The following GRM8 variants were observed in gnomAD, a reference collection of about 807,000 sequenced individuals.
GRM8 encodes metabotropic glutamate receptor 8.
GRM8 carries 47 observed loss-of-function variants against 87.2 expected under a neutral mutation model. The observed-to-expected ratio is 0.54, with a 90% CI of 0.43 to 0.69. GRM8 has a LOEUF of 0.69. GRM8 is among the 30% of genes least tolerant of loss of function. The pLI, the probability that GRM8 is intolerant of heterozygous loss-of-function variation, is 0.00. For missense variants in GRM8, 1,019 were observed against 1,139.2 expected, an observed-to-expected ratio of 0.89 and a Z score of 1.52; for synonymous variants, 396 against 404.5, an observed-to-expected ratio of 0.98 and a Z score of 0.25.
chr7:127,124,544 C>T (rs901508826), intron 2 of GRM8, among the ~76,000 whole-genome samples: 6 of 152,138 alleles, frequency 3.9e-5, no homozygotes, highest in Non-Finnish European at 8.8e-5. Context: ...CTTTCATTCT[C>T]ACAAGATGAC....
intron 7 of GRM8, among the ~76,000 whole-genome samples, chr7:126,636,634 G>C (rs1193609046): frequency 6.6e-6 from 1 of 151,670 alleles, no homozygotes; most frequent in Non-Finnish European, 1.5e-5. Flanking sequence ...TTTATCTGAA[G>C]GAAAAACAAA....
At chr7:126,960,767 A>G (rs968546609) in intron 3 of GRM8, among the ~76,000 whole-genome samples, 5 of 152,206 alleles carry the variant, frequency 3.3e-5, no homozygotes, top group African/African-American at 4.8e-5. Flanking sequence ...GAAGCAGTTA[A>G]GTTTTTAAAA....
At chr7:126,738,651 A>G (rs1814524047) in intron 7 of GRM8, among the ~76,000 whole-genome samples, 1 of 145,736 alleles carries the variant, frequency 6.9e-6, no homozygotes, top group East Asian at 2.2e-4. Context: ...TCTGTATAGA[A>G]GAGAAGGCTG....
chr7:127,221,332 A>T (rs1796916712), intron 2 of GRM8, among the ~76,000 whole-genome samples: 1 of 151,982 alleles, frequency 6.6e-6, no homozygotes, highest in Non-Finnish European at 1.5e-5. Flanking sequence ...GGGGCTGTAG[A>T]CCCCGTTGAG....
intron 8 of GRM8, among the ~76,000 whole-genome samples, chr7:126,537,998 T>G (rs1041862890): frequency 1.3e-5 from 2 of 152,208 alleles, no homozygotes; most frequent in African/African-American, 4.8e-5. Flanking sequence ...ATTAAGACGT[T>G]TTCAGTCTGA....
In GRM8 at chr7:127,246,448, C is replaced by T. The variant is rs573630154; in HGVS notation, c.-311-2933G>A. On this transcript the variant is annotated intron_variant, in intron 1 of 10. Coordinates refer to ENST00000339582, the MANE Select transcript of GRM8 (RefSeq NM_000845.3). ...ACTGTGCTGGACTGTTTCAAGGAGGCGTGAGGTCTGGACTCCTGAAACCAA... is the reference window on the plus strand; with the variant it reads ...ACTGTGCTGGACTGTTTCAAGGAGGTGTGAGGTCTGGACTCCTGAAACCAA... 5.9e-5 allele frequency among the ~76,000 whole-genome samples: 9 copies of T among 152,280 alleles called. No homozygotes were observed. The South Asian group carries it at 1.7e-3, about 28-fold the overall frequency.
At chr7:127,079,773 TTTAG>T (rs1822655937) in intron 3 of GRM8, among the ~76,000 whole-genome samples, 1 of 152,182 alleles carries the variant, frequency 6.6e-6, no homozygotes. Flanking sequence ...TGAATCTCAG[TTTAG>T]TTAGTTATAC....
At chr7:126,857,525 G>T (rs757932142) in intron 6 of GRM8, among the ~76,000 whole-genome samples, 3 of 152,032 alleles carry the variant, frequency 2.0e-5, no homozygotes, top group Non-Finnish European at 2.9e-5. Flanking sequence ...AAAAAGAAAA[G>T]AAATCCTCCC....
chr7:126,750,100 A>C (rs1026697129), intron 7 of GRM8, among the ~76,000 whole-genome samples: 2 of 152,166 alleles, frequency 1.3e-5, no homozygotes, highest in African/African-American at 4.8e-5. Context: ...ATGTCCATCA[A>C]CTAATGAATG....
At chr7:126,995,417 G>T (rs530354587) in intron 3 of GRM8, among the ~76,000 whole-genome samples, 21 of 152,320 alleles carry the variant, frequency 1.4e-4, no homozygotes, top group Non-Finnish European at 2.6e-4. Context: ...TTCAGGCAGA[G>T]AATTCAAAAT....
intron 6 of GRM8, among the ~76,000 whole-genome samples, chr7:126,847,952 A>T (rs562290736): frequency 2.2e-4 from 34 of 152,270 alleles, no homozygotes; most frequent in African/African-American, 7.9e-4. Flanking sequence ...ATCAAGAGGG[A>T]TTTCTCCTGA....
chr7:126,476,483 A>G (rs1018090996), intron 9 of GRM8, among the ~76,000 whole-genome samples: 35 of 152,148 alleles, frequency 2.3e-4, no homozygotes, highest in African/African-American at 7.2e-4. Flanking sequence ...TAGAGAAAGT[A>G]TTTGCAAACC....
chr7:126,593,925 T>C (rs1796922890), intron 8 of GRM8, among the ~76,000 whole-genome samples: 1 of 151,952 alleles, frequency 6.6e-6, no homozygotes, highest in South Asian at 2.1e-4. Flanking sequence ...CTGGTAAAAA[T>C]TGGGCAAAGG....
rs544196129 is a variant in GRM8 at position 127,043,739 on chromosome 7, A to G, written c.727+62757T>C. On this transcript the variant is annotated intron_variant, in intron 3 of 10. Transcript: ENST00000339582. ...TGTAACAAACCTGCACGTTGTGCAC[A>G]TGTACCCTAAAACTTAAAGTATAAT... Among the ~76,000 whole-genome samples the G allele has an allele frequency of 1.3e-3, 197 of 152,318 alleles. 1 individual carries two copies. Among genetic ancestry groups the G allele is most frequent in the African/African-American group, 4.6e-3 (193 of 41,576 alleles).
chr7:126,789,715 G>C (rs1821064046), intron 6 of GRM8, among the ~76,000 whole-genome samples: 1 of 152,154 alleles, frequency 6.6e-6, no homozygotes, highest in African/African-American at 2.4e-5. Flanking sequence ...TCTGATAATG[G>C]TGACTTGGTA....
chr7:126,961,488 T>G (rs1809314548), intron 3 of GRM8, among the ~76,000 whole-genome samples: 1 of 152,168 alleles, frequency 6.6e-6, no homozygotes, highest in Non-Finnish European at 1.5e-5. Context: ...CTACAGATAC[T>G]CATGGGGCCT....
At chr7:126,947,059 G>A (rs1312699842) in intron 3 of GRM8, among the ~76,000 whole-genome samples, 1 of 152,186 alleles carries the variant, frequency 6.6e-6, no homozygotes, top group Non-Finnish European at 1.5e-5. Flanking sequence ...TGAGGCTTAA[G>A]TGGGTTATTT....
At chr7:126,722,650 G>T (rs180813950) in intron 7 of GRM8, among the ~76,000 whole-genome samples, 68 of 152,078 alleles carry the variant, frequency 4.5e-4, no homozygotes, top group East Asian at 3.3e-3. Flanking sequence ...TCTCACTAAA[G>T]AAACCAAGCA....
At chr7:126,637,068 T>C (rs1417371102) in intron 7 of GRM8, among the ~76,000 whole-genome samples, 7 of 152,018 alleles carry the variant, frequency 4.6e-5, no homozygotes, top group Admixed American at 4.6e-4. Flanking sequence ...TATTGGCCCA[T>C]TGTCAAGTTC....
Sources: allele counts gnomAD v4.1 joint callset (sites outside exome capture counted in the v4.1 genomes callset), GRCh38; gene constraint gnomAD v4.1.1; transcripts MANE v1.5; gene names NCBI Gene and HGNC (gene_info 2026-07-23, HGNC 2026-07-21).